The following AGBL1 variants were observed in gnomAD, a reference collection of about 807,000 sequenced individuals.
The protein encoded by AGBL1 is AGBL carboxypeptidase 1, also known as cytosolic carboxypeptidase 4.
Under a neutral mutation model 118.9 loss-of-function variants are expected in AGBL1, and 130 were observed. That is an observed-to-expected ratio of 1.09 (90% CI 0.95 to 1.26). The LOEUF is 1.26. AGBL1 is among the 50% of genes most tolerant of loss of function. The pLI, the probability that AGBL1 is intolerant of heterozygous loss-of-function variation, is 0.00. For synonymous variants in AGBL1, 555 were observed against 478.9 expected (o/e 1.16, Z -2.08); for missense variants, 1,584 against 1,298.1 (o/e 1.22, Z -3.38).
At chr15:86,680,512 G>A (rs1210753810) in intron 22 of AGBL1, among the ~76,000 whole-genome samples, 1 of 139,264 alleles carries the variant, frequency 7.2e-6, no homozygotes, top group East Asian at 2.1e-4. Flanking sequence ...TTCTTTCTTT[G>A]TATGCACCCT....
chr15:86,978,513 CAA>C (rs1311555826), intron 23 of AGBL1, among the ~76,000 whole-genome samples: 1 of 152,148 alleles, frequency 6.6e-6, no homozygotes, highest in Admixed American at 6.5e-5. Flanking sequence ...AGCCCTACAG[CAA>C]GGTAAAACAA....
chr15:86,696,999 A>G (rs796975909), intron 22 of AGBL1, among the ~76,000 whole-genome samples: 3 of 151,776 alleles, frequency 2.0e-5, no homozygotes, highest in African/African-American at 7.2e-5. Context: ...TTAATAGGTT[A>G]CCTTTTGCTT....
intron 18 of AGBL1, among the ~76,000 whole-genome samples, chr15:86,449,241 T>C (rs888813294): frequency 1.3e-5 from 2 of 152,168 alleles, no homozygotes; most frequent in Non-Finnish European, 2.9e-5. Context: ...GTTTACTAAG[T>C]GCCAGACACT....
intron 3 of AGBL1, among the ~76,000 whole-genome samples, chr15:86,149,717 A>C (rs1351858029): frequency 6.6e-6 from 1 of 152,342 alleles, no homozygotes; most frequent in East Asian, 1.9e-4. Flanking sequence ...AGACAGATCA[A>C]TGAGACAGAA....
At chr15:86,534,112 T>TAAAAAAAAAA (rs61563504) in intron 19 of AGBL1, among the ~76,000 whole-genome samples, 2 of 96,476 alleles carry the variant, frequency 2.1e-5, no homozygotes, top group Admixed American at 1.2e-4. Flanking sequence ...TAAAGTATAA[T>TAAAAAAAAAA]AAAAAAAAAA....
At chr15:86,996,946 GACC>G (rs2081385652) in intron 24 of AGBL1, among the ~76,000 whole-genome samples, 1 of 151,766 alleles carries the variant, frequency 6.6e-6, no homozygotes, top group Non-Finnish European at 1.5e-5. Context: ...TTTCTTAAGA[GACC>G]ACCACAGAAA....
rs2086673416 is a variant in AGBL1 at position 86,718,679 on chromosome 15, G to A, written c.3158+44243G>A. On this transcript the variant is annotated intron_variant, in intron 22 of 22. Coordinates refer to ENST00000614907, the MANE Select transcript of AGBL1 (RefSeq NM_001386094.1). ...AAAGAATTTGGCTAGTTGGAGTTATGAAGGGAAAACAATGCTTGAAAAATC... is the reference window on the plus strand; with the variant it reads ...AAAGAATTTGGCTAGTTGGAGTTATAAAGGGAAAACAATGCTTGAAAAATC... Among the ~76,000 whole-genome samples, 6 of 152,164 alleles carry A rather than the reference G, an allele frequency of 3.9e-5. No homozygotes were observed. The South Asian group carries it at 1.2e-3, about 32-fold the overall frequency.
At chr15:86,474,583 C>T (rs965721560) in intron 18 of AGBL1, among the ~76,000 whole-genome samples, 2 of 152,184 alleles carry the variant, frequency 1.3e-5, no homozygotes, top group African/African-American at 2.4e-5. Flanking sequence ...CCAGGAAGCT[C>T]GAACTGGGTG....
In AGBL1 at chr15:86,341,389, A is replaced by ACAAC. The variant is rs563216380; in HGVS notation, c.2374+45987_2374+45990dup. On this transcript the variant is annotated intron_variant, in intron 17 of 22. Coordinates refer to ENST00000614907, the MANE Select transcript of AGBL1 (RefSeq NM_001386094.1). ...TTAGGATGTAGGAGGCAAAACAAGA[A>ACAAC]CAACCAACCTACCCTGAGGTCATTC... 7.7e-4 allele frequency among the ~76,000 whole-genome samples: 116 copies of ACAAC among 151,486 alleles called. No homozygotes were observed. The East Asian group carries it at 0.021, about 28-fold the overall frequency.
chr15:86,879,646 C>A (rs547141802), intron 22 of AGBL1, among the ~76,000 whole-genome samples: 3 of 152,296 alleles, frequency 2.0e-5, no homozygotes, highest in Admixed American at 6.5e-5. Context: ...ATGCAATCCC[C>A]ACAATAAATT....
chr15:86,249,648 A>G (rs1275898092), intron 7 of AGBL1, among the ~76,000 whole-genome samples: 1 of 152,138 alleles, frequency 6.6e-6, no homozygotes, highest in Non-Finnish European at 1.5e-5. Flanking sequence ...GCCCTCCTGC[A>G]TTGCCGATGT....
At chr15:86,104,258 G>A (rs901966942) in intron 1 of AGBL1, among the ~76,000 whole-genome samples, 2 of 152,200 alleles carry the variant, frequency 1.3e-5, no homozygotes, top group African/African-American at 4.8e-5. Flanking sequence ...GGTGTGGTAG[G>A]CAGGGATGGG....
At chr15:86,498,390 A>C (rs931627653) in intron 18 of AGBL1, among the ~76,000 whole-genome samples, 22 of 151,936 alleles carry the variant, frequency 1.4e-4, no homozygotes, top group African/African-American at 5.3e-4. Flanking sequence ...ATGCTTCTTC[A>C]ATAAAATGGA....
intron 1 of AGBL1, among the ~76,000 whole-genome samples, chr15:86,117,942 A>G (rs994429318): frequency 4.6e-5 from 7 of 152,220 alleles, no homozygotes; most frequent in South Asian, 4.1e-4. Flanking sequence ...CACAAGAAGA[A>G]TAACTGTCAA....
intron 20 of AGBL1, among the ~76,000 whole-genome samples, chr15:86,550,698 A>C (rs901496673): frequency 6.6e-6 from 1 of 152,100 alleles, no homozygotes; most frequent in African/African-American, 2.4e-5. Context: ...AGTATGTGAT[A>C]GAATAACCAA....
At chr15:86,831,673 C>T (rs1366879258) in intron 22 of AGBL1, among the ~76,000 whole-genome samples, 1 of 152,246 alleles carries the variant, frequency 6.6e-6, no homozygotes, top group Non-Finnish European at 1.5e-5. Context: ...TATAGCCTCC[C>T]TCCTGGCTGC....
chr15:86,622,325 C>T (rs2084820753), intron 21 of AGBL1, among the ~76,000 whole-genome samples: 1 of 132,316 alleles, frequency 7.6e-6, no homozygotes, highest in African/African-American at 3.2e-5. Flanking sequence ...ACTGAGACTC[C>T]ATCTCAAAAA....
At chr15:86,394,037 A>C (rs1034609247) in intron 17 of AGBL1, among the ~76,000 whole-genome samples, 1 of 152,194 alleles carries the variant, frequency 6.6e-6, no homozygotes, top group Non-Finnish European at 1.5e-5. Context: ...CCAGAACTGT[A>C]AAAAAGAAAT....
intron 21 of AGBL1, among the ~76,000 whole-genome samples, chr15:86,669,101 T>TA (rs199730409): frequency 0.071 from 10,646 of 150,606 alleles, 480 homozygotes; most frequent in South Asian, 0.093. Flanking sequence ...ACTTTAATGT[T>TA]AAAAAAAAAA....
Sources: gnomAD v4.1 joint callset for allele counts (sites outside exome capture counted in the v4.1 genomes callset) on GRCh38, gnomAD v4.1.1 for gene constraint, MANE v1.5 for transcripts, NCBI Gene and HGNC (gene_info 2026-07-23, HGNC 2026-07-21) for gene names.